Variants in TAFA2 observed in about 807,000 individuals in gnomAD.
The protein encoded by TAFA2 is chemokine-like protein TAFA-2.
In TAFA2, 7 loss-of-function variants were observed where a neutral mutation model predicts 18.8. The ratio of observed to expected loss-of-function variants is 0.37; its 90% CI spans 0.21 to 0.70. TAFA2 has a LOEUF of 0.70. Ranked by LOEUF, TAFA2 falls within the 30% of genes least tolerant of loss-of-function variation. TAFA2 has a pLI of 0.53. For synonymous variants in TAFA2, 60 were observed against 54.2 expected, an observed-to-expected ratio of 1.11 and a Z score of -0.47; for missense variants, 122 against 158.1, an observed-to-expected ratio of 0.77 and a Z score of 1.23.
At chr12:62,067,398 G>A (rs1592315764) in intron 1 of TAFA2, among the ~76,000 whole-genome samples, 2 of 152,020 alleles carry the variant, frequency 1.3e-5, no homozygotes, top group Non-Finnish European at 2.9e-5. Context: ...CCAGTCCCAT[G>A]TCCTGGAGAG....
At chr12:61,712,296 T>C (rs2120542028) in intron 4 of TAFA2, among the ~76,000 whole-genome samples, 1 of 152,296 alleles carries the variant, frequency 6.6e-6, no homozygotes, top group Admixed American at 6.5e-5. Flanking sequence ...TCCTATATCT[T>C]CATTTCAAGC....
At chr12:62,149,174 T>C (rs1042692736) in intron 1 of TAFA2, among the ~76,000 whole-genome samples, 2 of 152,230 alleles carry the variant, frequency 1.3e-5, no homozygotes, top group African/African-American at 4.8e-5. Flanking sequence ...TGAACTCTAG[T>C]AATATTCCTT....
intron 4 of TAFA2, among the ~76,000 whole-genome samples, chr12:61,712,563 A>G (rs988527842): frequency 4.6e-5 from 7 of 152,098 alleles, no homozygotes; most frequent in Non-Finnish European, 1.0e-4. Flanking sequence ...ATAAACATCC[A>G]TTTTCATGAT....
At chr12:61,720,948 C>T (rs758822140) in intron 4 of TAFA2, 1 of 517,472 alleles carries the variant, frequency 1.9e-6, no homozygotes, top group East Asian at 5.5e-5. Flanking sequence ...ACATGTCAGG[C>T]ACTCCACTGT....
intron 1 of TAFA2, among the ~76,000 whole-genome samples, chr12:62,074,556 T>C (rs1211348779): frequency 6.6e-6 from 1 of 152,174 alleles, no homozygotes; most frequent in Non-Finnish European, 1.5e-5. Context: ...TAAAATGCCA[T>C]AAAATTAAGA....
At chr12:61,884,253 A>G (rs1875272140) in intron 1 of TAFA2, among the ~76,000 whole-genome samples, 1 of 152,146 alleles carries the variant, frequency 6.6e-6, no homozygotes, top group Non-Finnish European at 1.5e-5. Context: ...GGCGACATGG[A>G]AGTGTTTTCC....
At chr12:61,934,946 CAT>C (rs1877703948) in intron 1 of TAFA2, among the ~76,000 whole-genome samples, 1 of 152,156 alleles carries the variant, frequency 6.6e-6, no homozygotes, top group African/African-American at 2.4e-5. Context: ...GTGAAGAACA[CAT>C]ATATCTCAGA....
At chr12:61,923,861 C>T (rs1321802582) in intron 1 of TAFA2, among the ~76,000 whole-genome samples, 1 of 151,738 alleles carries the variant, frequency 6.6e-6, no homozygotes, top group Non-Finnish European at 1.5e-5. Flanking sequence ...ACAGGAACTG[C>T]TAACTAGAAT....
At chr12:62,254,595 A>T (rs925031141) in intron 1 of TAFA2, among the ~76,000 whole-genome samples, 12 of 152,186 alleles carry the variant, frequency 7.9e-5, no homozygotes, top group Admixed American at 6.5e-5. Flanking sequence ...GTTCAAGACG[A>T]CCTAGATAGA....
chr12:62,008,596 A>G (rs1315719146), intron 1 of TAFA2, among the ~76,000 whole-genome samples: 7 of 152,200 alleles, frequency 4.6e-5, no homozygotes. Context: ...TTCTATTTAA[A>G]ATATTACTAC....
At chr12:62,040,341 T>C (rs1315102565) in intron 1 of TAFA2, among the ~76,000 whole-genome samples, 2 of 152,094 alleles carry the variant, frequency 1.3e-5, no homozygotes, top group African/African-American at 4.8e-5. Flanking sequence ...TATATTGAAC[T>C]CCTAAACCCC....
chr12:62,007,347 A>G (rs1880588282), intron 1 of TAFA2, among the ~76,000 whole-genome samples: 2 of 152,158 alleles, frequency 1.3e-5, no homozygotes, highest in Non-Finnish European at 2.9e-5. Context: ...TTCATAATAT[A>G]TATTACTTGT....
At chr12:61,914,830 A>G (rs980218565) in intron 1 of TAFA2, among the ~76,000 whole-genome samples, 7 of 152,210 alleles carry the variant, frequency 4.6e-5, no homozygotes, top group African/African-American at 1.4e-4. Flanking sequence ...ATAGGCTTAA[A>G]AAAAACCTAA....
chr12:61,767,550 T>C (rs1404580511), intron 2 of TAFA2, among the ~76,000 whole-genome samples: 2 of 152,110 alleles, frequency 1.3e-5, no homozygotes, highest in Non-Finnish European at 2.9e-5. Flanking sequence ...GAAATCAGTA[T>C]TATTTAAGAA....
At chr12:61,711,575 A>G (rs1869410163) in intron 4 of TAFA2, among the ~76,000 whole-genome samples, 1 of 152,124 alleles carries the variant, frequency 6.6e-6, no homozygotes, top group Admixed American at 6.6e-5. Context: ...TTTCTGATCA[A>G]TTATGTAAAA....
chr12:61,768,859 C>T (rs142806222), intron 2 of TAFA2, among the ~76,000 whole-genome samples: 6 of 152,032 alleles, frequency 3.9e-5, no homozygotes, highest in African/African-American at 1.4e-4. Flanking sequence ...GGGGAGTGCA[C>T]ATAGAAGCAC....
chr12:62,244,948 C>T (rs1357439786), intron 1 of TAFA2, among the ~76,000 whole-genome samples: 1 of 152,044 alleles, frequency 6.6e-6, no homozygotes, highest in African/African-American at 2.4e-5. Flanking sequence ...GTAATACTCA[C>T]TTCAAATATC....
intron 1 of TAFA2, among the ~76,000 whole-genome samples, chr12:62,030,549 G>A (rs948449678): frequency 3.9e-5 from 6 of 152,134 alleles, no homozygotes; most frequent in African/African-American, 1.4e-4. Context: ...CTACTCCCAA[G>A]CCTAGTGGTA....
chr12:62,150,148 G>C (rs1207628166), intron 1 of TAFA2, among the ~76,000 whole-genome samples: 1 of 152,162 alleles, frequency 6.6e-6, no homozygotes, highest in African/African-American at 2.4e-5. Flanking sequence ...CAGCCAACAT[G>C]AATTGAGTAT....
Sources: gnomAD v4.1 joint callset for allele counts (sites outside exome capture counted in the v4.1 genomes callset) on GRCh38, gnomAD v4.1.1 for gene constraint, MANE v1.5 for transcripts, NCBI Gene and HGNC (gene_info 2026-07-23, HGNC 2026-07-21) for gene names.